PCDHAC1: variants seen among roughly 807,000 people sequenced by gnomAD.
The protein encoded by PCDHAC1 is protocadherin alpha subfamily C, 1.
Under a neutral mutation model 60.0 loss-of-function variants are expected in PCDHAC1, and 42 were observed. That is an observed-to-expected ratio of 0.70 (90% CI 0.55 to 0.90). The LOEUF (loss-of-function observed/expected upper bound fraction) is 0.90. Among genes scored for constraint, PCDHAC1 ranks in the 40% least tolerant of loss-of-function variants. The pLI is 0.00. For missense variants in PCDHAC1, 1,160 were observed against 1,222.3 expected (o/e 0.95, Z 0.76); for synonymous variants, 468 against 499.3 (o/e 0.94, Z 0.84).
chr5:140,967,181 T>C (rs782433025), intron 1 of PCDHAC1: 4 of 1,613,136 alleles, frequency 2.5e-6, no homozygotes, highest in East Asian at 2.2e-5. Context: ...GGTGGAAATA[T>C]TGGACATCAA....
intron 1 of PCDHAC1, among the ~76,000 whole-genome samples, chr5:140,964,181 T>A (rs1563333888): frequency 6.6e-6 from 1 of 152,218 alleles, no homozygotes; most frequent in African/African-American, 2.4e-5. Context: ...ATCATTATAG[T>A]GCCAAATAGA....
intron 1 of PCDHAC1, chr5:140,968,519 A>G (rs1030847582): frequency 1.2e-6 from 2 of 1,614,008 alleles, no homozygotes; most frequent in South Asian, 1.1e-5. Flanking sequence ...CCCTACCTCA[A>G]CCAACTCGTC....
chr5:141,006,429 G>C (rs541690957), intron 3 of PCDHAC1, among the ~76,000 whole-genome samples: 7 of 152,004 alleles, frequency 4.6e-5, no homozygotes, highest in Non-Finnish European at 1.0e-4. Flanking sequence ...TAGCCAGGAT[G>C]GTCTCAATCT....
At position 140,927,553 on chromosome 5, in the gene PCDHAC1, A is replaced by G. The variant is rs782577411; in HGVS notation, c.661A>G (p.Ile221Val). 1.3e-5 allele frequency: 21 copies of G among 1,614,030 alleles called. No homozygotes were observed. The highest frequency in any genetic ancestry group is 9.3e-5 in the African/African-American group (7 of 74,932). ...PARSGDAQVT[I>V]IVVDTNDNAP... ...CCGCTCAGGAGACGCACAAGTCACC[A>G]TCATTGTGGTGGACACAAATGACAA... Residue 221 changes from isoleucine to valine, a missense_variant, in exon 1 of 4, where the codon ATC (isoleucine) becomes GTC (valine). Physicochemically the swap from Ile to Val is conservative, Grantham distance 29. Coordinates refer to ENST00000253807, the MANE Select transcript of PCDHAC1 (RefSeq NM_018898.5).
At position 140,928,753 on chromosome 5, in the gene PCDHAC1, G is replaced by A. The variant is rs782483181; in HGVS notation, c.1861G>A (p.Ala621Thr). 1.2e-6 allele frequency: 2 copies of A among 1,614,142 alleles called. No individual in the cohort carries two copies. The highest frequency in any genetic ancestry group is 8.5e-7 in the Non-Finnish European group (1 of 1,180,040). Residue 621 changes from alanine to threonine, a missense_variant, in exon 1 of 4, where the codon GCT becomes ACT. Coordinates refer to ENST00000253807, the MANE Select transcript of PCDHAC1 (RefSeq NM_018898.5). Reference sequence around the variant, plus strand: ...AGCCAATATAGGTGAGCTCCGTACTGCTCGCTTAGTTCTTCCCACTGATGC... The same window carrying A: ...AGCCAATATAGGTGAGCTCCGTACTACTCGCTTAGTTCTTCCCACTGATGC... Reference protein sequence around the residue: ...ISANIGELRTARLVLPTDAVK... With the variant: ...ISANIGELRTTRLVLPTDAVK...
intron 3 of PCDHAC1, chr5:140,988,853 A>G (rs1216953693): frequency 1.3e-5 from 2 of 152,208 alleles, no homozygotes; most frequent in Non-Finnish European, 2.9e-5. Flanking sequence ...AAACCTATCC[A>G]GTCTCATGTG....
intron 1 of PCDHAC1, among the ~76,000 whole-genome samples, chr5:140,937,039 C>CT (rs34994034): frequency 0.49 from 69,094 of 140,108 alleles, 17,193 homozygotes; most frequent in East Asian, 0.59. Flanking sequence ...TTCCATTTAT[C>CT]TTTTTTTTTT....
intron 1 of PCDHAC1, chr5:140,966,616 G>A: frequency 1.3e-6 from 1 of 788,372 alleles, no homozygotes; most frequent in South Asian, 2.7e-5. Context: ...AGGGCCTACG[G>A]AGGGAGCGGC....
intron 3 of PCDHAC1, among the ~76,000 whole-genome samples, chr5:141,003,237 T>G (rs1357530548): frequency 6.6e-6 from 1 of 152,228 alleles, no homozygotes; most frequent in Non-Finnish European, 1.5e-5. Flanking sequence ...CTGGAAATTT[T>G]GCCAAAAAGA....
intron 3 of PCDHAC1, among the ~76,000 whole-genome samples, chr5:141,008,262 G>T (rs1178355094): frequency 6.6e-6 from 1 of 152,198 alleles, no homozygotes; most frequent in Non-Finnish European, 1.5e-5. Flanking sequence ...AGGAGACTGA[G>T]AAGTAATAGG....
At chr5:140,965,853 A>G (rs1554227879) in intron 1 of PCDHAC1, among the ~76,000 whole-genome samples, 2 of 152,220 alleles carry the variant, frequency 1.3e-5, no homozygotes, top group Non-Finnish European at 2.9e-5. Flanking sequence ...CAAGGCACAC[A>G]CTGAAAATAA....
chr5:141,011,501 A>G lies in PCDHAC1; in HGVS notation c.*1564A>G, dbSNP rs548038544. ...ATATTTCCTTTTGTACACCTGTGAA[A>G]AAGTGGAGTAGTGTTTTTTTAACCA... On this transcript the variant is annotated 3_prime_UTR_variant, in exon 4 of 4. Coordinates refer to ENST00000253807, the MANE Select transcript of PCDHAC1 (RefSeq NM_018898.5). 1.3e-5 allele frequency: 2 copies of G among 153,894 alleles called. No individual in the cohort carries two copies. Among genetic ancestry groups the G allele is most frequent in the African/African-American group, 4.8e-5 (2 of 41,578 alleles). 9.5% of individuals were successfully genotyped at this position (153,894 alleles called of 1,614,324 possible).
intron 1 of PCDHAC1, chr5:140,967,449 C>T (rs2096141880): frequency 1.2e-6 from 2 of 1,613,586 alleles, no homozygotes; most frequent in Non-Finnish European, 1.7e-6. Context: ...CTGGTTCTCA[C>T]AGCCGTGGAT....
chr5:140,952,338 C>CA (rs55931446), intron 1 of PCDHAC1, among the ~76,000 whole-genome samples: 315 of 135,024 alleles, frequency 2.3e-3, no homozygotes, highest in East Asian at 0.011. Context: ...AACTCCATCT[C>CA]AAAAAAAAAA....
intron 3 of PCDHAC1, among the ~76,000 whole-genome samples, chr5:141,003,132 C>G (rs1391034413): frequency 6.6e-6 from 1 of 152,208 alleles, no homozygotes; most frequent in African/African-American, 2.4e-5. Flanking sequence ...CTGGCATTTG[C>G]CTTGGCAAAG....
chr5:140,928,259 A>G lies in PCDHAC1; in HGVS notation c.1367A>G (p.Glu456Gly). 1 of 1,614,218 alleles carries G rather than the reference A, an allele frequency of 6.2e-7. No homozygotes were observed. Among genetic ancestry groups the G allele is most frequent in the Non-Finnish European group, 8.5e-7 (1 of 1,180,024 alleles). The change falls in exon 1 of 4, where the codon GAA becomes GGA. Residue 456 changes from glutamate to glycine, a missense_variant. Physicochemically the swap from Glu to Gly is moderately conservative, Grantham distance 98. Around this residue, in one of 3 missense-constraint regions of PCDHAC1, gnomAD observed 1,113 missense variants for 1,163.7 expected, o/e 0.96. Transcript: ENST00000253807. ...PQPQQELFVA[E>G]NNGPGASLGR... ...CCCCAGCAGGAACTTTTCGTTGCTGAAAACAATGGCCCTGGGGCCTCTCTA... is the reference window on the plus strand; with the variant it reads ...CCCCAGCAGGAACTTTTCGTTGCTGGAAACAATGGCCCTGGGGCCTCTCTA...
chr5:140,972,386 A>G (rs2096534472), intron 1 of PCDHAC1, among the ~76,000 whole-genome samples: 1 of 148,802 alleles, frequency 6.7e-6, no homozygotes, highest in African/African-American at 2.5e-5. Flanking sequence ...GTATTTGTTT[A>G]TTTGCTTCAC....
Position 140,978,964 on chromosome 5 carries a change from C to G in PCDHAC1, c.2449C>G (p.Pro817Ala). ...GATTTTGCAGCCACGACAGCCCAAC[C>G]CTGACTGGCGTTACTCTGCCTCCCT... ...NVNAMPRQPN[P>A]DWRYSASLRA... is the part of the protein sequence containing the mutation. The change falls in exon 2 of 4, where the codon CCT becomes GCT. Residue 817 changes from proline to alanine, a missense_variant. Transcript: ENST00000253807. 3 of 1,614,122 alleles carry G rather than the reference C, an allele frequency of 1.9e-6. No homozygotes were observed. The highest frequency in any genetic ancestry group is 2.5e-6 in the Non-Finnish European group (3 of 1,180,010).
At position 140,927,653 on chromosome 5, in the gene PCDHAC1, G is replaced by T; in HGVS notation, c.761G>T (p.Arg254Leu). 1 of 1,614,190 alleles carries T rather than the reference G, an allele frequency of 6.2e-7. No individual in the cohort carries two copies. The highest frequency in any genetic ancestry group is 8.5e-7 in the Non-Finnish European group (1 of 1,180,036). The stretch of plus-strand genomic sequence containing the variant: ...GCACCCAATGGGACTGTGTTATTCC[G>T]AGTTCAAGCCTTGGATCCAGATGAA... ...ETAPNGTVLF[R>L]VQALDPDEGS... Residue 254 changes from arginine (R) to leucine (L), a missense_variant, in exon 1 of 4, where the codon CGA becomes CTA. Around this residue, in one of 3 missense-constraint regions of PCDHAC1, gnomAD observed 1,113 missense variants for 1,163.7 expected, o/e 0.96. Coordinates refer to ENST00000253807, the MANE Select transcript of PCDHAC1 (RefSeq NM_018898.5).
Sources: gnomAD v4.1 joint callset for allele counts (sites outside exome capture counted in the v4.1 genomes callset) on GRCh38, gnomAD v4.1.1 for gene constraint, gnomAD v4.1.1 regional missense constraint, MANE v1.5 for transcripts, NCBI Gene and HGNC (gene_info 2026-07-23, HGNC 2026-07-21) for gene names.